ACACA: variants seen among roughly 807,000 people sequenced by gnomAD.
The protein encoded by ACACA is acetyl-CoA carboxylase alpha.
In ACACA, 103 loss-of-function variants were observed where a neutral mutation model predicts 296.1. That is an observed-to-expected ratio of 0.35 (90% CI 0.30 to 0.41). ACACA has a LOEUF of 0.41. Among genes scored for constraint, ACACA ranks in the 10% least tolerant of loss-of-function variants. The pLI, the probability that ACACA is intolerant of heterozygous loss-of-function variation, is 1.00. For missense variants in ACACA, 1,554 were observed against 2,989.7 expected, an observed-to-expected ratio of 0.52 and a Z score of 11.20; for synonymous variants, 953 against 1,038.6, an observed-to-expected ratio of 0.92 and a Z score of 1.58.
chr17:37,141,960 G>T (rs569213928), intron 45 of ACACA, among the ~76,000 whole-genome samples: 1 of 151,694 alleles, frequency 6.6e-6, no homozygotes, highest in Admixed American at 6.6e-5. Flanking sequence ...CAAAGTGCTG[G>T]GATTACAGGC....
Position 37,205,850 on chromosome 17 carries a change from T to C in ACACA, c.3971A>G (p.His1324Arg). The stretch of plus-strand genomic sequence containing the variant: ...AGTCTTGATAGCCACATTGAGAATG[T>C]GAATTGGTTCATCCCTGGGAACCTG... Reference protein sequence around the residue: ...EDKVPRDEPIHILNVAIKTDC... With the variant: ...EDKVPRDEPIRILNVAIKTDC... Residue 1324 changes from histidine (H) to arginine (R), a missense_variant, in exon 33 of 56, where the codon CAC becomes CGC. Transcript: ENST00000616317. 6.2e-7 allele frequency: 1 copy of C among 1,613,224 alleles called. No homozygotes were observed. Among genetic ancestry groups the C allele is most frequent in the Non-Finnish European group, 8.5e-7 (1 of 1,179,846 alleles).
At chr17:37,277,150 T>C in intron 6 of ACACA, 36 bp from the exon 7 acceptor site, 1 of 1,584,678 alleles carries the variant, frequency 6.3e-7, no homozygotes, top group Non-Finnish European at 8.7e-7. Context: ...TTCTTAAAAT[T>C]CATACAAAAC....
At chr17:37,321,767 T>TA in intron 3 of ACACA, among the ~76,000 whole-genome samples, 1 of 134,688 alleles carries the variant, frequency 7.4e-6, no homozygotes, top group African/African-American at 2.8e-5. Context: ...AATAAATAAA[T>TA]AATTAAAAAA....
chr17:37,270,893 A>AAC (rs751788239), intron 9 of ACACA, 32 bp from the exon 10 acceptor site: 3 of 1,549,006 alleles, frequency 1.9e-6, no homozygotes, highest in Non-Finnish European at 2.7e-6. Context: ...AAATAGAAGA[A>AAC]ACAGTGTTAT....
chr17:37,229,175 C>T (rs1047405525), intron 25 of ACACA, among the ~76,000 whole-genome samples: 10 of 151,742 alleles, frequency 6.6e-5, no homozygotes, highest in African/African-American at 1.7e-4. Flanking sequence ...TAATCACCTC[C>T]GCAACCTGTA....
intron 1 of ACACA, among the ~76,000 whole-genome samples, chr17:37,391,217 G>A (rs1210046064): frequency 6.6e-6 from 1 of 152,054 alleles, no homozygotes; most frequent in Non-Finnish European, 1.5e-5. Flanking sequence ...CAGCCTCGGT[G>A]ACAGAGCGAG....
chr17:37,297,777 G>A (rs904834105), intron 3 of ACACA, among the ~76,000 whole-genome samples: 8 of 151,894 alleles, frequency 5.3e-5, no homozygotes, highest in Non-Finnish European at 1.0e-4. Context: ...TCTCGTACTC[G>A]TGACCTCAGG....
intron 1 of ACACA, among the ~76,000 whole-genome samples, chr17:37,399,910 A>G (rs1187977099): frequency 6.6e-6 from 1 of 152,098 alleles, no homozygotes; most frequent in Non-Finnish European, 1.5e-5. Flanking sequence ...ATATTTAAAC[A>G]TTTTTTGGCA....
At chr17:37,382,353 T>A (rs1294194125) in intron 1 of ACACA, among the ~76,000 whole-genome samples, 1 of 151,756 alleles carries the variant, frequency 6.6e-6, no homozygotes, top group Non-Finnish European at 1.5e-5. Context: ...CTTTTTTTCA[T>A]ATAGTTTTTT....
chr17:37,373,366 G>A (rs2049876177), intron 1 of ACACA, among the ~76,000 whole-genome samples: 1 of 152,076 alleles, frequency 6.6e-6, no homozygotes, highest in Non-Finnish European at 1.5e-5. Context: ...TCCTGTCTCA[G>A]CCTCCCAAGT....
chr17:37,280,058 G>T (rs1182077193), intron 5 of ACACA, among the ~76,000 whole-genome samples: 2 of 152,006 alleles, frequency 1.3e-5, no homozygotes, highest in African/African-American at 2.4e-5. Context: ...AAACTATTGG[G>T]TCAAAAGGTA....
intron 6 of ACACA, among the ~76,000 whole-genome samples, chr17:37,277,679 G>A (rs182513301): frequency 3.9e-5 from 6 of 152,294 alleles, no homozygotes; most frequent in African/African-American, 1.4e-4. Context: ...TCTGAAAGAT[G>A]CTTCCAAACC....
chr17:37,305,411 C>T (rs185613608), intron 3 of ACACA, among the ~76,000 whole-genome samples: 8 of 152,154 alleles, frequency 5.3e-5, no homozygotes, highest in Non-Finnish European at 1.5e-5. Flanking sequence ...GAGGAGTCAC[C>T]CCTATGTCTG....
At chr17:37,372,021 A>C (rs1035718448) in intron 1 of ACACA, among the ~76,000 whole-genome samples, 3 of 152,208 alleles carry the variant, frequency 2.0e-5, no homozygotes, top group African/African-American at 4.8e-5. Context: ...GTTCAAGACC[A>C]GCTTCGGCAA....
At chr17:37,359,059 G>A (rs2049280729) in intron 1 of ACACA, 1 of 985,980 alleles carries the variant, frequency 1.0e-6, no homozygotes, top group Non-Finnish European at 1.2e-6. Context: ...GGAACTGCTG[G>A]GCGGGAGGAG....
chr17:37,269,763 G>GGAAAA (rs1242417743), intron 10 of ACACA, among the ~76,000 whole-genome samples: 9 of 129,302 alleles, frequency 7.0e-5, no homozygotes, highest in South Asian at 2.5e-4. Flanking sequence ...TGTTTTAAGG[G>GGAAAA]AAAAAAAAAA....
intron 52 of ACACA, among the ~76,000 whole-genome samples, chr17:37,101,742 T>C (rs1487693161): frequency 6.6e-6 from 1 of 152,228 alleles, no homozygotes; most frequent in African/African-American, 2.4e-5. Context: ...ATGTCTCCAA[T>C]AGTTCCCATT....
At chr17:37,402,181 G>C (rs1342965821) in intron 1 of ACACA, among the ~76,000 whole-genome samples, 3 of 152,104 alleles carry the variant, frequency 2.0e-5, no homozygotes, top group Non-Finnish European at 4.4e-5. Context: ...ATTTAGTGAG[G>C]GAACAAGGCA....
chr17:37,213,780 CT>C (rs2078863216), intron 29 of ACACA, among the ~76,000 whole-genome samples: 1 of 151,134 alleles, frequency 6.6e-6, no homozygotes, highest in Non-Finnish European at 1.5e-5. Context: ...GGCTGGAGAG[CT>C]TGCTTCAATA....
Sources: allele counts gnomAD v4.1 joint callset (sites outside exome capture counted in the v4.1 genomes callset), GRCh38; gene constraint gnomAD v4.1.1; transcripts MANE v1.5; gene names NCBI Gene and HGNC (gene_info 2026-07-23, HGNC 2026-07-21).